The following TENM3 variants were observed in gnomAD, a reference collection of about 807,000 sequenced individuals.
The protein encoded by TENM3 is teneurin transmembrane protein 3, also known as teneurin-3.
Under a neutral mutation model 255.1 loss-of-function variants are expected in TENM3, and 63 were observed. That is an observed-to-expected ratio of 0.25 (90% CI 0.20 to 0.30). The LOEUF (loss-of-function observed/expected upper bound fraction) is 0.30. Ranked by LOEUF, TENM3 falls within the 10% of genes least tolerant of loss-of-function variation. The pLI is 1.00. For missense variants in TENM3, 2,929 were observed against 3,461.1 expected, an observed-to-expected ratio of 0.85 and a Z score of 3.86; for synonymous variants, 1,306 against 1,322.3, an observed-to-expected ratio of 0.99 and a Z score of 0.27.
chr4:181,903,966 T>C, the TENM3 span, among the ~76,000 whole-genome samples: 1 of 152,154 alleles, frequency 6.6e-6, no homozygotes, highest in Admixed American at 6.5e-5. Flanking sequence ...TTTCCATGTA[T>C]ATCTCTAGCC....
At chr4:181,607,235 C>G in the TENM3 span, among the ~76,000 whole-genome samples, 1 of 152,160 alleles carries the variant, frequency 6.6e-6, no homozygotes, top group Non-Finnish European at 1.5e-5. Context: ...TCCCTTGGAG[C>G]AGCCTATGTT....
chr4:182,465,301 T>C (rs560497515), intron 3 of TENM3, among the ~76,000 whole-genome samples: 1 of 152,276 alleles, frequency 6.6e-6, no homozygotes, highest in South Asian at 2.1e-4. Context: ...ATGAGGAGCT[T>C]GGAACCTTGG....
At chr4:182,498,859 A>T (rs28687657) in intron 3 of TENM3, among the ~76,000 whole-genome samples, 2,706 of 152,212 alleles carry the variant, frequency 0.018, 80 homozygotes, top group African/African-American at 0.061. Context: ...CCATCTAAAA[A>T]AAAAAAAAAT....
intron 3 of TENM3, among the ~76,000 whole-genome samples, chr4:182,459,614 T>C (rs1212093896): frequency 6.6e-6 from 1 of 152,216 alleles, no homozygotes; most frequent in East Asian, 1.9e-4. Flanking sequence ...ATATTACATT[T>C]CATACAAAGG....
chr4:182,143,046 A>T (rs1749585982), upstream of TENM3: 1 of 167,490 alleles, frequency 6.0e-6, no homozygotes, highest in South Asian at 2.1e-4. This position sits in a 1 kb window ranked among gnomAD's most constrained non-coding sequence, Gnocchi z 4.3. Context: ...TTCAGTGAGT[A>T]GAAAGTGGCC....
At chr4:181,974,772 C>T in the TENM3 span, among the ~76,000 whole-genome samples, 1 of 152,106 alleles carries the variant, frequency 6.6e-6, no homozygotes. Flanking sequence ...TTACTTCTTC[C>T]CCCACCCTCT....
the TENM3 span, among the ~76,000 whole-genome samples, chr4:181,711,812 C>T: frequency 6.6e-6 from 1 of 152,074 alleles, no homozygotes; most frequent in Non-Finnish European, 1.5e-5. Context: ...ACTTGTTTTC[C>T]AATCTCCGTG....
chr4:181,954,852 A>G, the TENM3 span, among the ~76,000 whole-genome samples: 18 of 152,196 alleles, frequency 1.2e-4, no homozygotes, highest in African/African-American at 4.1e-4. Context: ...TACAACTAGT[A>G]TAATTCTGTA....
chr4:181,912,431 A>T, the TENM3 span, among the ~76,000 whole-genome samples: 1 of 152,192 alleles, frequency 6.6e-6, no homozygotes, highest in Non-Finnish European at 1.5e-5. Flanking sequence ...AGCAGCGGGG[A>T]TGAAAAGAAC....
chr4:182,258,780 GT>G (rs1758595942), intron 1 of TENM3, among the ~76,000 whole-genome samples: 1 of 152,152 alleles, frequency 6.6e-6, no homozygotes, highest in Non-Finnish European at 1.5e-5. Flanking sequence ...AATGTCAGGA[GT>G]TTAGAGTAGT....
At chr4:181,792,906 G>T in the TENM3 span, among the ~76,000 whole-genome samples, 1 of 151,806 alleles carries the variant, frequency 6.6e-6, no homozygotes, top group East Asian at 1.9e-4. Flanking sequence ...AAAAAATCCA[G>T]TCATATTAAA....
the TENM3 span, among the ~76,000 whole-genome samples, chr4:181,645,965 G>C: frequency 6.6e-6 from 1 of 152,220 alleles, no homozygotes; most frequent in African/African-American, 2.4e-5. Flanking sequence ...CTGCCCACAT[G>C]ATCTTTCACA....
chr4:182,609,441 C>T (rs540854736), intron 4 of TENM3, among the ~76,000 whole-genome samples: 74 of 152,302 alleles, frequency 4.9e-4, no homozygotes, highest in African/African-American at 1.6e-3. Flanking sequence ...TTTTCTATTA[C>T]ACCAGTCTGA....
At chr4:182,180,914 GTTTTA>G (rs1194468297) in intron 1 of TENM3, among the ~76,000 whole-genome samples, 8 of 151,406 alleles carry the variant, frequency 5.3e-5, no homozygotes, top group African/African-American at 1.9e-4. Context: ...TTTTTATTTT[GTTTTA>G]TTTTATTACA....
chr4:181,820,587 C>T, the TENM3 span, among the ~76,000 whole-genome samples: 1 of 151,982 alleles, frequency 6.6e-6, no homozygotes, highest in Admixed American at 6.6e-5. Flanking sequence ...CACCATGTGC[C>T]GTGGCTCACA....
At chr4:181,877,327 C>T in the TENM3 span, among the ~76,000 whole-genome samples, 1 of 152,090 alleles carries the variant, frequency 6.6e-6, no homozygotes, top group South Asian at 2.1e-4. Flanking sequence ...TTTATTAAAT[C>T]TAAGCAACTT....
chr4:182,200,537 T>G (rs1415269420), intron 1 of TENM3, among the ~76,000 whole-genome samples: 1 of 152,202 alleles, frequency 6.6e-6, no homozygotes. Context: ...AAATATGTAT[T>G]TCATCATAAA....
At chr4:182,732,210 T>G (rs567790855) in intron 16 of TENM3, among the ~76,000 whole-genome samples, 1 of 152,270 alleles carries the variant, frequency 6.6e-6, no homozygotes, top group South Asian at 2.1e-4. Flanking sequence ...CTTTGTTCAT[T>G]TATTTATTTA....
chr4:181,688,442 T>C, the TENM3 span, among the ~76,000 whole-genome samples: 1 of 152,190 alleles, frequency 6.6e-6, no homozygotes. Context: ...CTCAACAAAG[T>C]TAAAGTTTTT....
Sources: allele counts gnomAD v4.1 joint callset (sites outside exome capture counted in the v4.1 genomes callset), GRCh38; gene constraint gnomAD v4.1.1; non-coding constraint Gnocchi (gnomAD v3.1); transcripts MANE v1.5; gene names NCBI Gene and HGNC (gene_info 2026-07-23, HGNC 2026-07-21).